TMEM108: variants seen among roughly 807,000 people sequenced by gnomAD.
The protein encoded by TMEM108 is cancer/testis antigen 124.
Under a neutral mutation model 35.1 loss-of-function variants are expected in TMEM108, and 12 were observed. The observed-to-expected ratio is 0.34, with a 90% confidence interval of 0.22 to 0.55. TMEM108 has a LOEUF of 0.55. Among genes scored for constraint, TMEM108 ranks in the 20% least tolerant of loss-of-function variants. The pLI is 0.89. For synonymous variants in TMEM108, 287 were observed against 308.6 expected (o/e 0.93, Z 0.73); for missense variants, 680 against 753.3 (o/e 0.90, Z 1.14).
chr3:133,236,510 G>C (rs1206169108), intron 3 of TMEM108, among the ~76,000 whole-genome samples: 1 of 152,042 alleles, frequency 6.6e-6, no homozygotes, highest in Non-Finnish European at 1.5e-5. Context: ...CATATTACCT[G>C]TCTGTAGATT....
intron 2 of TMEM108, among the ~76,000 whole-genome samples, chr3:133,124,136 A>T (rs1252407314): frequency 4.6e-5 from 7 of 152,206 alleles, no homozygotes; most frequent in Non-Finnish European, 8.8e-5. Context: ...ATTAGATTAT[A>T]GATACTTCAA....
At chr3:133,278,805 A>G (rs947255041) in intron 3 of TMEM108, among the ~76,000 whole-genome samples, 1 of 152,208 alleles carries the variant, frequency 6.6e-6, no homozygotes, top group Non-Finnish European at 1.5e-5. Context: ...TGTACAGCCT[A>G]GCTACCCAGT....
Position 133,268,169 on chromosome 3 carries a change from T to A in TMEM108, c.40+38818T>A, listed in dbSNP as rs552957847. 4.6e-5 allele frequency among the ~76,000 whole-genome samples: 7 copies of A among 152,346 alleles called. No homozygotes were observed. In the South Asian group the frequency reaches 1.4e-3, roughly 32 times the overall value. ...CATTGCAGAGGCAGTAAGAAGAGAA[T>A]TGATGATGTCAGATTTACATTTTAG... On this transcript the variant is annotated intron_variant, in intron 3 of 5. Transcript: ENST00000321871.
intron 3 of TMEM108, among the ~76,000 whole-genome samples, chr3:133,304,144 C>G (rs1947268728): frequency 6.6e-6 from 1 of 152,154 alleles, no homozygotes; most frequent in Non-Finnish European, 1.5e-5. Context: ...AGCATAATAC[C>G]TAGTACATAA....
chr3:133,320,700 C>T (rs182778226), intron 3 of TMEM108, among the ~76,000 whole-genome samples: 1 of 152,194 alleles, frequency 6.6e-6, no homozygotes, highest in African/African-American at 2.4e-5. Context: ...AAAAGGTCAT[C>T]ACCCAGGTGC....
Position 133,380,341 on chromosome 3 carries a change from G to C in TMEM108, c.630G>C (p.Lys210Asn). The change falls in exon 4 of 6, where the codon AAG becomes AAC. Residue 210 changes from lysine to asparagine, a missense_variant. Physicochemically the swap from Lys to Asn is moderately conservative, Grantham distance 94. This residue lies in a region of TMEM108 where 526 missense variants were observed against 532.1 expected (regional missense o/e 0.99). Transcript: ENST00000321871. This position sits in a 1 kb window ranked among gnomAD's most constrained non-coding sequence, Gnocchi z 5.3. ...RNPSSTPLGQ[K>N]RPLGKIFQIY... is the part of the protein sequence containing the mutation. ...CAAGCTCCACACCTCTGGGGCAGAA[G>C]CGGCCCCTGGGGAAAATCTTTCAGA... 6.2e-7 allele frequency: 1 copy of C among 1,614,120 alleles called. No homozygotes were observed. Among genetic ancestry groups the C allele is most frequent in the East Asian group, 2.2e-5 (1 of 44,880 alleles).
intron 2 of TMEM108, among the ~76,000 whole-genome samples, chr3:133,161,429 G>T (rs1019076207): frequency 3.3e-4 from 50 of 152,112 alleles, no homozygotes; most frequent in African/African-American, 1.2e-3. Context: ...ATGAGGCGGG[G>T]ACCTTTCATG....
At chr3:133,127,015 G>A (rs1304065338) in intron 2 of TMEM108, among the ~76,000 whole-genome samples, 2 of 152,068 alleles carry the variant, frequency 1.3e-5, no homozygotes, top group South Asian at 2.1e-4. Context: ...GAGATATTTT[G>A]CATTTTTAAA....
chr3:133,351,054 A>G (rs2071981443), intron 3 of TMEM108, among the ~76,000 whole-genome samples: 1 of 152,102 alleles, frequency 6.6e-6, no homozygotes, highest in African/African-American at 2.4e-5. Flanking sequence ...AATCTTGACA[A>G]TTGGTTTTAT....
intron 2 of TMEM108, among the ~76,000 whole-genome samples, chr3:133,071,289 TTC>T (rs1413674450): frequency 6.6e-6 from 1 of 152,098 alleles, no homozygotes; most frequent in Non-Finnish European, 1.5e-5. Context: ...CAGGGTTGGT[TTC>T]TTCTGAGCCC....
At chr3:133,111,338 G>T (rs754848354) in intron 2 of TMEM108, among the ~76,000 whole-genome samples, 2 of 152,084 alleles carry the variant, frequency 1.3e-5, no homozygotes, top group Non-Finnish European at 2.9e-5. Flanking sequence ...TTTGAACCCA[G>T]GACTCTGGCT....
At chr3:133,164,572 A>G (rs1476356289) in intron 2 of TMEM108, among the ~76,000 whole-genome samples, 1 of 152,208 alleles carries the variant, frequency 6.6e-6, no homozygotes, top group African/African-American at 2.4e-5. Flanking sequence ...TACTGTCCAC[A>G]TGATGTGGTC....
intron 2 of TMEM108, among the ~76,000 whole-genome samples, chr3:133,184,478 G>A (rs750920373): frequency 9.2e-5 from 14 of 152,050 alleles, no homozygotes; most frequent in Non-Finnish European, 1.5e-4. Context: ...AGATACTTGC[G>A]AAGAAATTTG....
chr3:133,394,020 C>T lies in TMEM108; in HGVS notation c.1606-1844C>T, dbSNP rs113213894. On this transcript the variant is annotated intron_variant, in intron 5 of 5. Coordinates refer to ENST00000321871, the MANE Select transcript of TMEM108 (RefSeq NM_023943.4). Reference sequence around the variant, plus strand: ...GGATTGGATTTTGCTGTTTCCCTCCCAGCAAGCCGTTCCTCTTGTTCTGCT... The same window carrying T: ...GGATTGGATTTTGCTGTTTCCCTCCTAGCAAGCCGTTCCTCTTGTTCTGCT... Among the ~76,000 whole-genome samples the T allele has an allele frequency of 2.8e-3, 428 of 152,320 alleles. 3 individuals carry two copies. The highest frequency in any genetic ancestry group is 9.7e-3 in the African/African-American group (402 of 41,566).
chr3:133,040,206 GT>G (rs375124979), intron 1 of TMEM108, among the ~76,000 whole-genome samples: 4,744 of 129,896 alleles, frequency 0.037, 102 homozygotes, highest in Admixed American at 0.076. Context: ...TTGTTTGTTT[GT>G]TTTTTTTTTT....
chr3:133,130,347 C>T (rs1404902384), intron 2 of TMEM108, among the ~76,000 whole-genome samples: 1 of 152,204 alleles, frequency 6.6e-6, no homozygotes, highest in African/African-American at 2.4e-5. Flanking sequence ...TCAGCAGGGA[C>T]AACTCATCTC....
intron 2 of TMEM108, among the ~76,000 whole-genome samples, chr3:133,218,664 G>A (rs1945943888): frequency 6.6e-6 from 1 of 151,618 alleles, no homozygotes; most frequent in Non-Finnish European, 1.5e-5. Flanking sequence ...TGTTATTTTT[G>A]TTCTTCATTC....
Position 133,346,876 on chromosome 3 carries a change from G to A in TMEM108, c.41-32876G>A, listed in dbSNP as rs1395208121. 6.6e-6 allele frequency among the ~76,000 whole-genome samples: 1 copy of A among 152,004 alleles called. No individual in the cohort carries two copies. Among genetic ancestry groups the A allele is most frequent in the South Asian group, 2.1e-4 (1 of 4,828 alleles). Reference sequence around the variant, plus strand: ...TTGCATGTGGATGTCCAGTTGTCCTGGCACCGTTTATTGAACAAACAGTCC... The same window carrying A: ...TTGCATGTGGATGTCCAGTTGTCCTAGCACCGTTTATTGAACAAACAGTCC... On this transcript the variant is annotated intron_variant, in intron 3 of 5. Transcript: ENST00000321871. This position sits in a 1 kb window ranked among gnomAD's most constrained non-coding sequence, Gnocchi z 4.0.
chr3:133,150,195 G>A (rs753104973), intron 2 of TMEM108, among the ~76,000 whole-genome samples: 9 of 152,038 alleles, frequency 5.9e-5, no homozygotes, highest in Admixed American at 1.3e-4. Flanking sequence ...TAGATATGAA[G>A]TGATATTTCA....
Sources: allele counts gnomAD v4.1 joint callset (sites outside exome capture counted in the v4.1 genomes callset), GRCh38; gene constraint gnomAD v4.1.1; regional missense constraint gnomAD v4.1.1; non-coding constraint Gnocchi (gnomAD v3.1); transcripts MANE v1.5; gene names NCBI Gene and HGNC (gene_info 2026-07-23, HGNC 2026-07-21).